The following TRPS1 variants were observed in gnomAD, a reference collection of about 807,000 sequenced individuals.
The protein encoded by TRPS1 is zinc finger transcription factor Trps1.
TRPS1 carries 6 observed loss-of-function variants against 101.2 expected under a neutral mutation model. The observed-to-expected ratio is 0.06, with a 90% CI of 0.03 to 0.12. The LOEUF (loss-of-function observed/expected upper bound fraction) is 0.12. Among genes scored for constraint, TRPS1 ranks in the 10% least tolerant of loss-of-function variants. TRPS1 has a pLI of 1.00. For missense variants in TRPS1, 1,363 were observed against 1,567.0 expected (o/e 0.87, Z 2.20); for synonymous variants, 578 against 589.8 (o/e 0.98, Z 0.29).
chr8:115,414,059 A>G lies in TRPS1; in HGVS notation c.3849T>C (p.Asn1283=). The change falls in exon 7 of 7, where the codon AAT becomes AAC. Residue 1283 remains asparagine (N), a synonymous_variant. Transcript: ENST00000395715. The surrounding 1 kb of genome is among the most constrained non-coding windows in gnomAD (Gnocchi z 4.8). ...THIQRGLHRN[N]AQVEKNGKPK... ...GTTTTCCATTTTTTTCCACTTGTGC[A>G]TTGTTCCTATGCAGGCCCCTCTGGA... 6.2e-7 allele frequency: 1 copy of G among 1,613,728 alleles called. No individual in the cohort carries two copies. The highest frequency in any genetic ancestry group is 8.5e-7 in the Non-Finnish European group (1 of 1,179,814).
rs147875982 is a variant in TRPS1 at position 115,529,686 on chromosome 8, T to A, written c.2700+57315A>T. 8.0e-4 allele frequency among the ~76,000 whole-genome samples: 122 copies of A among 152,246 alleles called. 1 individual carries two copies. In the East Asian group the frequency reaches 9.5e-3, roughly 12 times the overall value. ...TGCAGCATGTTTCCACAGCATAAAATCTGTATTATATTACAGAAAGTGTCC... is the reference window on the plus strand; with the variant it reads ...TGCAGCATGTTTCCACAGCATAAAAACTGTATTATATTACAGAAAGTGTCC... On this transcript the variant is annotated intron_variant, in intron 5 of 6. Transcript: ENST00000395715.
chr8:115,451,682 G>A (rs1291399897), intron 5 of TRPS1, among the ~76,000 whole-genome samples: 1 of 152,178 alleles, frequency 6.6e-6, no homozygotes, highest in Non-Finnish European at 1.5e-5. Flanking sequence ...ATGACGTTCT[G>A]TTCAACCCTG....
intron 2 of TRPS1, among the ~76,000 whole-genome samples, 161 bp from the exon 3 acceptor site, chr8:115,620,221 G>A (rs1563649854): frequency 6.6e-6 from 1 of 151,170 alleles, no homozygotes; most frequent in South Asian, 2.1e-4. Context: ...GCAAAAAGTT[G>A]AGACTAAAAC....
intron 5 of TRPS1, among the ~76,000 whole-genome samples, chr8:115,448,138 G>C (rs1480576473): frequency 6.6e-6 from 1 of 152,098 alleles, no homozygotes; most frequent in Non-Finnish European, 1.5e-5. Context: ...CAACACTTGT[G>C]AGTATTATCT....
In TRPS1 at chr8:115,414,292, T is replaced by A. The variant is rs1338583922; in HGVS notation, c.3616A>T (p.Asn1206Tyr). The change falls in exon 7 of 7, where the codon AAT becomes TAT. Residue 1206 changes from asparagine (N) to tyrosine (Y), a missense_variant. Physicochemically the swap from Asn to Tyr is moderately radical, Grantham distance 143. This residue lies in a region of TRPS1 where 307 missense variants were observed against 392.4 expected (regional missense o/e 0.78). Transcript: ENST00000395715. The surrounding 1 kb of genome is among the most constrained non-coding windows in gnomAD (Gnocchi z 4.8). Reference sequence around the variant, plus strand: ...TTTACTACATTCAAGGGACCTTCATTTTTTACATTTGGTGGTGCCTTCGTT... The same window carrying A: ...TTTACTACATTCAAGGGACCTTCATATTTTACATTTGGTGGTGCCTTCGTT... ...EKTKAPPNVK[N>Y]EGPLNVVKTE... 5.6e-6 allele frequency: 9 copies of A among 1,613,884 alleles called. No homozygotes were observed. The East Asian group carries it at 2.0e-4, about 36-fold the overall frequency.
intron 1 of TRPS1, among the ~76,000 whole-genome samples, chr8:115,654,863 T>C (rs1247106682): frequency 6.6e-6 from 1 of 152,208 alleles, no homozygotes. Flanking sequence ...TGTGAATATA[T>C]CAACTGATTC....
chr8:115,459,269 A>G (rs112068955), intron 5 of TRPS1, among the ~76,000 whole-genome samples: 3,409 of 152,174 alleles, frequency 0.022, 133 homozygotes, highest in African/African-American at 0.072. Flanking sequence ...GCTTGCAGTG[A>G]GCAGAGATCG....
At chr8:115,552,743 C>A (rs1007726465) in intron 5 of TRPS1, among the ~76,000 whole-genome samples, 2 of 151,992 alleles carry the variant, frequency 1.3e-5, no homozygotes, top group Non-Finnish European at 2.9e-5. Context: ...ATTTTTGTAA[C>A]CATTTGGTTG....
chr8:115,631,609 A>G (rs1818642301), intron 1 of TRPS1, among the ~76,000 whole-genome samples: 1 of 151,368 alleles, frequency 6.6e-6, no homozygotes, highest in Non-Finnish European at 1.5e-5. Context: ...CCTATGACAC[A>G]GAAGGCACTC....
chr8:115,606,120 G>A (rs1257510894), intron 3 of TRPS1, among the ~76,000 whole-genome samples: 1 of 152,116 alleles, frequency 6.6e-6, no homozygotes, highest in East Asian at 1.9e-4. Flanking sequence ...AAAATGACAC[G>A]TGTGATCGCT....
At chr8:115,430,372 A>G (rs1339037985) in intron 5 of TRPS1, among the ~76,000 whole-genome samples, 1 of 152,156 alleles carries the variant, frequency 6.6e-6, no homozygotes, top group African/African-American at 2.4e-5. Context: ...TGCTTTGCAT[A>G]TAGTGGGCAT....
At chr8:115,467,956 T>C (rs1002949325) in intron 5 of TRPS1, among the ~76,000 whole-genome samples, 1 of 152,190 alleles carries the variant, frequency 6.6e-6, no homozygotes, top group Non-Finnish European at 1.5e-5. Context: ...TCAATTAGAA[T>C]GACTGAGGCA....
intron 1 of TRPS1, among the ~76,000 whole-genome samples, chr8:115,626,249 G>A (rs1818506362): frequency 6.7e-6 from 1 of 150,096 alleles, no homozygotes; most frequent in Non-Finnish European, 1.5e-5. Flanking sequence ...ATACAGTTCA[G>A]TTTTGAAAGA....
intron 1 of TRPS1, among the ~76,000 whole-genome samples, chr8:115,655,769 A>C (rs1308583870): frequency 1.3e-5 from 2 of 152,204 alleles, no homozygotes; most frequent in Non-Finnish European, 2.9e-5. Context: ...GCTTTGAATT[A>C]AATCTAAAAA....
chr8:115,422,770 T>G (rs992093609), intron 5 of TRPS1, among the ~76,000 whole-genome samples: 3 of 152,216 alleles, frequency 2.0e-5, no homozygotes, highest in African/African-American at 7.2e-5. Flanking sequence ...GATGGTTCTA[T>G]CTGTGTCTGT....
chr8:115,508,665 G>A lies in TRPS1; in HGVS notation c.2700+78336C>T, dbSNP rs998131744. Among the ~76,000 whole-genome samples the A allele has an allele frequency of 3.3e-4, 50 of 151,896 alleles. 1 individual carries two copies. Among genetic ancestry groups the A allele is most frequent in the African/African-American group, 1.1e-3 (44 of 41,364 alleles). ...GGATGTCTGTTTTTCATCAGGTAACGACCATTAAATTTGGCTGCATTTCCT... is the reference window on the plus strand; with the variant it reads ...GGATGTCTGTTTTTCATCAGGTAACAACCATTAAATTTGGCTGCATTTCCT... On this transcript the variant is annotated intron_variant, in intron 5 of 6. Transcript: ENST00000395715.
intron 5 of TRPS1, among the ~76,000 whole-genome samples, chr8:115,419,469 T>C (rs192424102): frequency 6.6e-6 from 1 of 152,264 alleles, no homozygotes; most frequent in Admixed American, 6.5e-5. Flanking sequence ...GCGTGTTAGA[T>C]AAGGAGTGGA....
chr8:115,635,328 T>C (rs1047198898), intron 1 of TRPS1, among the ~76,000 whole-genome samples: 1 of 152,206 alleles, frequency 6.6e-6, no homozygotes, highest in African/African-American at 2.4e-5. Context: ...AGATATCTGC[T>C]GGCATCAGCA....
chr8:115,498,933 C>T lies in TRPS1; in HGVS notation c.2701-80481G>A, dbSNP rs553613791. 1.8e-3 allele frequency among the ~76,000 whole-genome samples: 273 copies of T among 152,118 alleles called. 2 individuals are homozygous for T. Among genetic ancestry groups the T allele is most frequent in the Non-Finnish European group, 3.0e-3 (207 of 67,980 alleles). On this transcript the variant is annotated intron_variant, in intron 5 of 6. Transcript: ENST00000395715. ...TATGGTAGACTTCAGAATAGACTTC[C>T]TAAAATGGAAAGGTTCATTGATCCT... is the stretch of plus-strand genomic sequence containing the variant.
Sources: allele counts gnomAD v4.1 joint callset (sites outside exome capture counted in the v4.1 genomes callset), GRCh38; gene constraint gnomAD v4.1.1; regional missense constraint gnomAD v4.1.1; non-coding constraint Gnocchi (gnomAD v3.1); transcripts MANE v1.5; gene names NCBI Gene and HGNC (gene_info 2026-07-23, HGNC 2026-07-21).